ZNF236: variants seen among roughly 807,000 people sequenced by gnomAD.
ZNF236 encodes regulated by glucose.
Under a neutral mutation model 191.2 loss-of-function variants are expected in ZNF236, and 50 were observed. The ratio of observed to expected loss-of-function variants is 0.26; its 90% CI spans 0.21 to 0.33. The LOEUF (loss-of-function observed/expected upper bound fraction) is 0.33, where lower values mean the gene tolerates loss of function less well. Among genes scored for constraint, ZNF236 ranks in the 10% least tolerant of loss-of-function variants. The pLI is 1.00. For missense variants in ZNF236, 1,754 were observed against 2,374.5 expected (o/e 0.74, Z 5.43); for synonymous variants, 907 against 928.8 (o/e 0.98, Z 0.43).
chr18:76,912,372 A>C, intron 17 of ZNF236, 25 bp downstream of exon 17: 1,872 of 1,557,538 alleles, frequency 1.2e-3, no homozygotes, highest in Non-Finnish European at 1.5e-3. Flanking sequence ...AGACCAGCTC[A>C]TGGTATTGCC....
At position 76,841,851 on chromosome 18, in the gene ZNF236, G is replaced by A. The variant is rs139532738; in HGVS notation, c.56-7675G>A. On this transcript the variant is annotated intron_variant, in intron 1 of 30. Coordinates refer to ENST00000320610, the MANE Select transcript of ZNF236 (RefSeq NM_001306089.2). ...TAGTATTACAGGCACGGGCCACCAC[G>A]CCAGGCTGATTTTTTATTTTTATTT... Among the ~76,000 whole-genome samples the A allele has an allele frequency of 9.9e-5, 15 of 152,020 alleles. No homozygotes were observed. In the East Asian group the frequency reaches 2.3e-3, roughly 23 times the overall value.
Position 76,836,894 on chromosome 18 carries a change from G to A in ZNF236, c.56-12632G>A, listed in dbSNP as rs567951571. On this transcript the variant is annotated intron_variant, in intron 1 of 30. Transcript: ENST00000320610. ...GCCCGGCCTATTTATTTGTTTTTTTGAGACACAGTCTTGCTCTGATGCCCA... is the reference window on the plus strand; with the variant it reads ...GCCCGGCCTATTTATTTGTTTTTTTAAGACACAGTCTTGCTCTGATGCCCA... Among the ~76,000 whole-genome samples the A allele has an allele frequency of 6.4e-4, 97 of 151,384 alleles. 1 individual carries two copies. The East Asian group carries it at 0.019, about 30-fold the overall frequency.
intron 2 of ZNF236, among the ~76,000 whole-genome samples, chr18:76,851,191 C>T (rs1234133544): frequency 6.7e-6 from 1 of 150,160 alleles, no homozygotes; most frequent in Non-Finnish European, 1.5e-5. Context: ...CACTTACAAA[C>T]GGCAAATGTA....
At chr18:76,828,556 A>G (rs1401086329) in intron 1 of ZNF236, among the ~76,000 whole-genome samples, 2 of 152,234 alleles carry the variant, frequency 1.3e-5, no homozygotes, top group African/African-American at 2.4e-5. Context: ...TGCTTCAGGG[A>G]GACAGCTTCT....
chr18:76,925,664 C>A lies in ZNF236; in HGVS notation c.4027+110C>A. On this transcript the variant is annotated intron_variant, in intron 22 of 30. Coordinates refer to ENST00000320610, the MANE Select transcript of ZNF236 (RefSeq NM_001306089.2). This position sits in a 1 kb window ranked among gnomAD's most constrained non-coding sequence, Gnocchi z 5.7. ...TGTTGTTTACCGTAGCACCACGTTT[C>A]CCTTCTTTGAGCCTTTTCCTTATAA... 7.1e-7 allele frequency: 1 copy of A among 1,411,006 alleles called. No homozygotes were observed. The highest frequency in any genetic ancestry group is 1.5e-5 in the South Asian group (1 of 67,618). The allele number at this position is 1,411,006 out of a possible 1,614,324, so 87.4% of individuals were successfully genotyped here.
At chr18:76,961,959 C>T (rs1462942549) in intron 30 of ZNF236, among the ~76,000 whole-genome samples, 2 of 151,988 alleles carry the variant, frequency 1.3e-5, no homozygotes, top group East Asian at 1.9e-4. Context: ...GTTGTAGATT[C>T]TGGATATTAG....
chr18:76,893,761 C>A (rs1977317530), intron 9 of ZNF236, among the ~76,000 whole-genome samples: 1 of 152,222 alleles, frequency 6.6e-6, no homozygotes, highest in South Asian at 2.1e-4. Flanking sequence ...TATCTGTCCG[C>A]CTTGGCCTCT....
At position 76,889,577 on chromosome 18, in the gene ZNF236, T is replaced by TTCTC. The variant is rs1977166834; in HGVS notation, c.1418-5435_1418-5432dup. On this transcript the variant is annotated intron_variant, in intron 9 of 30. Transcript: ENST00000320610. ...TGGGCAAGTCAGTTAAGATGTCAAC[T>TTCTC]TCTCATCTGTAAGGTGGGACTAAGG... Among the ~76,000 whole-genome samples, 3 of 152,346 alleles carry TTCTC rather than the reference T, an allele frequency of 2.0e-5. No homozygotes were observed. The South Asian group carries it at 6.2e-4, about 32-fold the overall frequency.
chr18:76,933,219 A>G (rs909705421), intron 25 of ZNF236, among the ~76,000 whole-genome samples: 20 of 152,240 alleles, frequency 1.3e-4, no homozygotes, highest in Non-Finnish European at 2.9e-4. Context: ...CTGTAATCCC[A>G]GCACTTAGGG....
At position 76,877,524 on chromosome 18, in the gene ZNF236, T is replaced by A. The variant is rs149074044; in HGVS notation, c.841-485T>A. Among the ~76,000 whole-genome samples, 423 of 151,696 alleles carry A rather than the reference T, an allele frequency of 2.8e-3. 1 individual carries two copies. The highest frequency in any genetic ancestry group is 0.017 in the Middle Eastern group (5 of 294). ...AAAAAAAAAAAAGAAAAAAAGAAAA[T>A]TAGTTGTTGATACAGAATATCAAAA... On this transcript the variant is annotated intron_variant, in intron 6 of 30. Transcript: ENST00000320610.
chr18:76,908,960 T>G (rs1204169654), intron 14 of ZNF236, among the ~76,000 whole-genome samples: 1 of 94,956 alleles, frequency 1.1e-5, no homozygotes, highest in African/African-American at 3.9e-5. Context: ...TGTATGTGTG[T>G]GTCTGTGTGT....
At chr18:76,959,635 T>C in intron 28 of ZNF236, 52 bp from the exon 29 acceptor site, 1 of 1,552,440 alleles carries the variant, frequency 6.4e-7, no homozygotes, top group Non-Finnish European at 8.7e-7. Context: ...TTGTTTCTAG[T>C]CTCGAAAGCT....
rs769267593 is a variant in ZNF236, at chr18:76,849,401, C to T, written c.56-125C>T. ...AAAAAATTCAGTATATCATTAATTT[C>T]GTCTAAAATGTCACATAAATCTCTG... On this transcript the variant is annotated intron_variant, in intron 1 of 30. Coordinates refer to ENST00000320610, the MANE Select transcript of ZNF236 (RefSeq NM_001306089.2). 1.3e-4 allele frequency: 90 copies of T among 698,440 alleles called. No homozygotes were observed. The Middle Eastern group carries it at 1.8e-3, about 14-fold the overall frequency. 43.3% of individuals were successfully genotyped at this position (698,440 alleles called of 1,614,324 possible).
chr18:76,848,079 C>G (rs8094688), intron 1 of ZNF236, among the ~76,000 whole-genome samples: 3,662 of 152,242 alleles, frequency 0.024, 137 homozygotes, highest in African/African-American at 0.074. Flanking sequence ...TGGGCTTCAC[C>G]TACCTCCTGT....
intron 27 of ZNF236, 36 bp downstream of exon 27, chr18:76,947,688 G>C: frequency 6.2e-7 from 1 of 1,604,986 alleles, no homozygotes; most frequent in Non-Finnish European, 8.5e-7. Flanking sequence ...AGCTTTTGTC[G>C]CTTTTAAAAA....
Position 76,899,096 on chromosome 18 carries a change from C to T in ZNF236, c.1768C>T (p.His590Tyr), listed in dbSNP as rs1977515075. 6.2e-7 allele frequency: 1 copy of T among 1,614,008 alleles called. No homozygotes were observed. The highest frequency in any genetic ancestry group is 1.3e-5 in the African/African-American group (1 of 74,910). The change falls in exon 11 of 31, where the codon CAC becomes TAC. Residue 590 changes from histidine (H) to tyrosine (Y), a missense_variant. His to Tyr is a moderately conservative substitution (Grantham distance 83). This residue lies in a region of ZNF236 where 641 missense variants were observed against 869.6 expected (regional missense o/e 0.74). Transcript: ENST00000320610. ...SGHRKTHIAS[H>Y]FKHTELRKMR... ...CCATAGGAAGACTCACATTGCTTCCCACTTTAAACATACGGAATTAAGGAA... is the reference window on the plus strand; with the variant it reads ...CCATAGGAAGACTCACATTGCTTCCTACTTTAAACATACGGAATTAAGGAA...
At chr18:76,824,417 T>C (rs1974960029) in intron 1 of ZNF236, 2 of 781,056 alleles carry the variant, frequency 2.6e-6, no homozygotes, top group East Asian at 4.8e-5. Flanking sequence ...GTATGCAGAT[T>C]TGTAGTTGGA....
chr18:76,914,323 G>A (rs1369283964), intron 18 of ZNF236, among the ~76,000 whole-genome samples: 1 of 152,156 alleles, frequency 6.6e-6, no homozygotes, highest in Non-Finnish European at 1.5e-5. Flanking sequence ...TCCATTCATC[G>A]GGTGATGGAC....
intron 11 of ZNF236, among the ~76,000 whole-genome samples, chr18:76,902,462 A>G (rs1250791220): frequency 9.9e-5 from 15 of 152,186 alleles, no homozygotes; most frequent in Admixed American, 9.8e-4. Context: ...ACCTGCATCC[A>G]GGGTTCTGCC....
Sources: allele counts gnomAD v4.1 joint callset (sites outside exome capture counted in the v4.1 genomes callset), GRCh38; gene constraint gnomAD v4.1.1; regional missense constraint gnomAD v4.1.1; non-coding constraint Gnocchi (gnomAD v3.1); transcripts MANE v1.5; gene names NCBI Gene and HGNC (gene_info 2026-07-23, HGNC 2026-07-21).